Variants in CNTN6 observed in about 807,000 individuals in gnomAD.
CNTN6 encodes contactin-6.
CNTN6 carries 137 observed loss-of-function variants against 122.8 expected under a neutral mutation model. The ratio of observed to expected loss-of-function variants is 1.12; its 90% CI spans 0.97 to 1.29. The LOEUF (loss-of-function observed/expected upper bound fraction) is 1.29. CNTN6 is among the 50% of genes most tolerant of loss of function. The pLI is 0.00. For missense variants in CNTN6, 1,634 were observed against 1,223.4 expected (o/e 1.34, Z -5.01); for synonymous variants, 570 against 426.0 (o/e 1.34, Z -4.16).
intron 11 of CNTN6, among the ~76,000 whole-genome samples, chr3:1,338,956 G>A (rs1237019646): frequency 2.0e-5 from 3 of 151,848 alleles, no homozygotes; most frequent in East Asian, 1.9e-4. Context: ...ATTAGAAAAA[G>A]CATTGCTGTC....
rs780093779 is a variant in CNTN6 at position 1,112,732 on chromosome 3, G to A, written c.-83+19612G>A. On this transcript the variant is annotated intron_variant, in intron 1 of 22. Transcript: ENST00000446702. ...TAGTTCCCTAGGTATTATTTAATCCGATCAGATTGATCCCTAAAATTAACC... is the reference window on the plus strand; with the variant it reads ...TAGTTCCCTAGGTATTATTTAATCCAATCAGATTGATCCCTAAAATTAACC... 7.4e-4 allele frequency among the ~76,000 whole-genome samples: 112 copies of A among 152,136 alleles called. 2 individuals carry two copies. The highest frequency in any genetic ancestry group is 1.2e-3 in the South Asian group (6 of 4,814).
In CNTN6 at chr3:1,198,124, T is replaced by A. The variant is rs566119658; in HGVS notation, c.56-22563T>A. Among the ~76,000 whole-genome samples, 4 of 152,294 alleles carry A rather than the reference T, an allele frequency of 2.6e-5. 1 individual carries two copies. Among genetic ancestry groups the A allele is most frequent in the African/African-American group, 9.6e-5 (4 of 41,552 alleles). ...AAGTGAACTTCATTCTATGAAGCAC[T>A]TGAGACTTGTCTTTCCCAGTATTTC... is the stretch of plus-strand genomic sequence containing the variant. On this transcript the variant is annotated intron_variant, in intron 2 of 22. Coordinates refer to ENST00000446702, the MANE Select transcript of CNTN6 (RefSeq NM_001289080.2).
chr3:1,119,596 C>T (rs2091874695), intron 1 of CNTN6, among the ~76,000 whole-genome samples: 1 of 151,736 alleles, frequency 6.6e-6, no homozygotes, highest in Non-Finnish European at 1.5e-5. Context: ...AAGAGAATTC[C>T]ACTTGTGCGT....
intron 4 of CNTN6, among the ~76,000 whole-genome samples, chr3:1,273,618 T>C (rs1691779650): frequency 6.6e-6 from 1 of 152,226 alleles, no homozygotes; most frequent in South Asian, 2.1e-4. Context: ...ACTTATATCT[T>C]GTCTATGATC....
intron 1 of CNTN6, among the ~76,000 whole-genome samples, chr3:1,146,061 T>A (rs932645710): frequency 6.6e-6 from 1 of 152,122 alleles, no homozygotes; most frequent in African/African-American, 2.4e-5. Context: ...TCATTATTCC[T>A]TTCTTGTACT....
At chr3:1,244,130 A>C (rs2094526052) in intron 4 of CNTN6, among the ~76,000 whole-genome samples, 1 of 152,166 alleles carries the variant, frequency 6.6e-6, no homozygotes, top group African/African-American at 2.4e-5. Flanking sequence ...ACTGGGGCCA[A>C]GCGGTGTTGC....
intron 21 of CNTN6, 133 bp from the exon 22 acceptor site, chr3:1,402,185 C>T: frequency 1.6e-6 from 1 of 613,432 alleles, no homozygotes; most frequent in Non-Finnish European, 2.6e-6. Flanking sequence ...GAAAAGACAT[C>T]ACTTGGATAT....
intron 11 of CNTN6, among the ~76,000 whole-genome samples, chr3:1,350,660 G>A (rs1705479813): frequency 6.6e-6 from 1 of 151,706 alleles, no homozygotes; most frequent in Non-Finnish European, 1.5e-5. Context: ...GAAGTTATGT[G>A]AAAAATTATA....
chr3:1,145,129 G>A (rs1444477538), intron 1 of CNTN6, among the ~76,000 whole-genome samples: 2 of 152,112 alleles, frequency 1.3e-5, no homozygotes, highest in Non-Finnish European at 2.9e-5. Context: ...AAGGGGAACT[G>A]AAAGTTTTTA....
intron 20 of CNTN6, among the ~76,000 whole-genome samples, chr3:1,386,482 C>G (rs898428603): frequency 1.3e-5 from 2 of 152,108 alleles, no homozygotes; most frequent in African/African-American, 2.4e-5. Context: ...TGTTTTTCAT[C>G]TTTTGGTGAT....
intron 7 of CNTN6, among the ~76,000 whole-genome samples, chr3:1,303,501 A>G (rs1697791047): frequency 6.6e-6 from 1 of 151,828 alleles, no homozygotes; most frequent in East Asian, 1.9e-4. Context: ...TTTTATCTCC[A>G]CTCTTGCCCT....
intron 2 of CNTN6, chr3:1,173,419 C>T (rs997465038): frequency 1.1e-5 from 4 of 378,978 alleles, no homozygotes; most frequent in Non-Finnish European, 2.1e-5. Context: ...TTCATTTAAT[C>T]CTCAGAAAAT....
chr3:1,300,495 AAAGAAAAG>A lies in CNTN6; in HGVS notation c.761+2507_761+2514del, dbSNP rs1559754238. 6.2e-4 allele frequency among the ~76,000 whole-genome samples: 71 copies of A among 114,120 alleles called. 1 individual carries two copies. In the Middle Eastern group the frequency reaches 0.015, roughly 24 times the overall value. 74.9% of individuals were successfully genotyped at this position (114,120 alleles called of 152,430 possible). A position where few individuals can be genotyped will look rare whatever the true frequency, so the allele number is the denominator to read the frequency against. ...AGGAAGGAAGGAAGGAAGGAAGGAA[AAAGAAAAG>A]AAAGAGAAAGAAAGAAAGAAAGATA... On this transcript the variant is annotated intron_variant, in intron 7 of 22. Transcript: ENST00000446702.
chr3:1,332,532 A>AAGGAAGGGGCGAGCAAGGAATGAAGGG (rs1702461662), intron 11 of CNTN6, among the ~76,000 whole-genome samples: 1 of 144,754 alleles, frequency 6.9e-6, no homozygotes, highest in African/African-American at 2.5e-5. Context: ...GGAAGGAAGG[A>AAGGAAGGGGCGAGCAAGGAATGAAGGG]GGGAGGGAAG....
At chr3:1,269,876 A>G (rs2094993853) in intron 4 of CNTN6, among the ~76,000 whole-genome samples, 1 of 152,172 alleles carries the variant, frequency 6.6e-6, no homozygotes, top group African/African-American at 2.4e-5. Context: ...CTACTTATAT[A>G]TAAATTTTTA....
chr3:1,402,856 C>G (rs1399084498), intron 22 of CNTN6: 1 of 197,436 alleles, frequency 5.1e-6, no homozygotes, highest in Admixed American at 5.5e-5. Context: ...ACACCCTTTC[C>G]CATGTTCATG....
chr3:1,156,125 A>T (rs2092956365), intron 2 of CNTN6, among the ~76,000 whole-genome samples: 1 of 152,174 alleles, frequency 6.6e-6, no homozygotes, highest in Non-Finnish European at 1.5e-5. Context: ...GCTACTTGTA[A>T]GATCTCTGCA....
chr3:1,244,297 C>T (rs149633912), intron 4 of CNTN6, among the ~76,000 whole-genome samples: 4,434 of 152,090 alleles, frequency 0.029, 76 homozygotes, highest in Middle Eastern at 0.054. Context: ...CGTAGAGACA[C>T]GGAGGGAAGG....
At chr3:1,223,303 G>A (rs748455106) in intron 3 of CNTN6, among the ~76,000 whole-genome samples, 9 of 152,236 alleles carry the variant, frequency 5.9e-5, no homozygotes, top group East Asian at 1.9e-4. Flanking sequence ...CTCTCCTGGC[G>A]TCATCTTCCT....
Sources: gnomAD v4.1 joint callset for allele counts (sites outside exome capture counted in the v4.1 genomes callset) on GRCh38, gnomAD v4.1.1 for gene constraint, MANE v1.5 for transcripts, NCBI Gene and HGNC (gene_info 2026-07-23, HGNC 2026-07-21) for gene names.